LRP11: variants seen among roughly 807,000 people sequenced by gnomAD.
LRP11 encodes LDL receptor related protein 11.
LRP11 carries 25 observed loss-of-function variants against 43.1 expected under a neutral mutation model. The ratio of observed to expected loss-of-function variants is 0.58; its 90% CI spans 0.42 to 0.81. LRP11 has a LOEUF of 0.81. Ranked by LOEUF, LRP11 falls within the 30% of genes least tolerant of loss-of-function variation. LRP11 has a pLI of 0.00. For synonymous variants in LRP11, 316 were observed against 299.4 expected (o/e 1.06, Z -0.57); for missense variants, 623 against 665.1 (o/e 0.94, Z 0.70).
intron 5 of LRP11, among the ~76,000 whole-genome samples, chr6:149,832,423 C>T (rs1001598290): frequency 5.9e-5 from 9 of 151,444 alleles, no homozygotes. Context: ...GAACTGACCT[C>T]GTGATTTGCC....
At chr6:149,841,515 T>A (rs548474388) in intron 3 of LRP11, among the ~76,000 whole-genome samples, 1 of 152,346 alleles carries the variant, frequency 6.6e-6, no homozygotes, top group South Asian at 2.1e-4. Flanking sequence ...GTGAATTGTG[T>A]GTGTGGTGAG....
At chr6:149,825,585 G>A (rs187263193) in intron 6 of LRP11, among the ~76,000 whole-genome samples, 48 of 152,056 alleles carry the variant, frequency 3.2e-4, no homozygotes, top group Non-Finnish European at 4.7e-4. Context: ...CTCATCTTAC[G>A]AATGAGGAAA....
rs752569544 is a variant in LRP11, at chr6:149,827,392, A to G, written c.1253-1033T>C. On this transcript the variant is annotated intron_variant, in intron 5 of 6. Coordinates refer to ENST00000239367, the MANE Select transcript of LRP11 (RefSeq NM_032832.6). The surrounding 1 kb of genome is among the most constrained non-coding windows in gnomAD (Gnocchi z 4.2). ...AATGTTCCTAATTCCTGCAAATGAAATAAGACTATTTAAAGGTAGTATATA... is the reference window on the plus strand; with the variant it reads ...AATGTTCCTAATTCCTGCAAATGAAGTAAGACTATTTAAAGGTAGTATATA... Among the ~76,000 whole-genome samples, 2 of 152,254 alleles carry G rather than the reference A, an allele frequency of 1.3e-5. No individual in the cohort carries two copies. The highest frequency in any genetic ancestry group is 1.3e-4 in the Admixed American group (2 of 15,286).
chr6:149,842,059 A>C (rs891003653), intron 3 of LRP11, among the ~76,000 whole-genome samples: 2 of 152,220 alleles, frequency 1.3e-5, no homozygotes, highest in African/African-American at 2.4e-5. Context: ...ATCTGCGTAA[A>C]GTGTCTATGA....
intron 3 of LRP11, among the ~76,000 whole-genome samples, chr6:149,839,063 T>TTTTTG (rs1776511330): frequency 6.7e-6 from 1 of 148,918 alleles, no homozygotes; most frequent in African/African-American, 2.5e-5. Flanking sequence ...TTTTTTTTGT[T>TTTTTG]TTTTTTTTTT....
chr6:149,839,204 T>C (rs1246719507), intron 3 of LRP11, among the ~76,000 whole-genome samples: 1 of 152,026 alleles, frequency 6.6e-6, no homozygotes, highest in Non-Finnish European at 1.5e-5. Context: ...CTTGGACACA[T>C]CTTTTATTGA....
In LRP11 at chr6:149,837,350, A is replaced by G. The variant is rs375299752; in HGVS notation, c.1027T>C (p.Phe343Leu). Reference sequence around the variant, plus strand: ...ATAGCCAACTCACGATTCTGGCAGAAGTCTTCATCAGACCCATCAGGACAC... The same window carrying G: ...ATAGCCAACTCACGATTCTGGCAGAGGTCTTCATCAGACCCATCAGGACAC... Reference protein sequence around the residue: ...QQCPDGSDEDFCQNLGLDRKM... With the variant: ...QQCPDGSDEDLCQNLGLDRKM... Residue 343 changes from phenylalanine (F) to leucine (L), a missense_variant, in exon 4 of 7, where the codon TTC (phenylalanine) becomes CTC (leucine). By Grantham distance (22) the Phe-to-Leu change is conservative. Transcript: ENST00000239367. The G allele has an allele frequency of 2.4e-5, 39 of 1,613,658 alleles. No individual in the cohort carries two copies. The African/African-American group carries it at 4.3e-4, about 18-fold the overall frequency.
chr6:149,836,295 CCACTGAAGTGTGGAAGAGCTACTGTT>C lies in LRP11; in HGVS notation c.1040-24_1041del, dbSNP rs1776471024. 1 of 1,613,830 alleles carries C rather than the reference CCACTGAAGTGTGGAAGAGCTACTGTT, an allele frequency of 6.2e-7. No individual in the cohort carries two copies. On this transcript the variant is annotated splice_acceptor_variant and splice_polypyrimidine_tract_variant and coding_sequence_variant and intron_variant, in exon 5 of 7. Coordinates refer to ENST00000239367, the MANE Select transcript of LRP11 (RefSeq NM_032832.6). LOFTEE classifies it high-confidence loss of function. ...TGGGTTACCATCTTGCGGTCCAGGC[CCACTGAAGTGTGGAAGAGCTACTGTT>C]AGTTGCTGGATTTCTTTTCTGAGCT...
At position 149,827,514 on chromosome 6, in the gene LRP11, T is replaced by C. The variant is rs1776355173; in HGVS notation, c.1253-1155A>G. On this transcript the variant is annotated intron_variant, in intron 5 of 6. Transcript: ENST00000239367. This position sits in a 1 kb window ranked among gnomAD's most constrained non-coding sequence, Gnocchi z 4.2. ...TATAATCCTGGCACTTTGGGGACAG[T>C]CTACTGTGTCTTGTTACTCTAGAAA... is the stretch of plus-strand genomic sequence containing the variant. Among the ~76,000 whole-genome samples, 1 of 152,198 alleles carries C rather than the reference T, an allele frequency of 6.6e-6. No homozygotes were observed. Among genetic ancestry groups the C allele is most frequent in the Non-Finnish European group, 1.5e-5 (1 of 68,040 alleles).
intron 5 of LRP11, among the ~76,000 whole-genome samples, chr6:149,835,680 G>A (rs1337231923): frequency 1.3e-5 from 2 of 152,124 alleles, no homozygotes; most frequent in African/African-American, 2.4e-5. Flanking sequence ...GAGGCATAAC[G>A]TTGAATTACT....
At chr6:149,854,723 T>C (rs888673545) in intron 1 of LRP11, among the ~76,000 whole-genome samples, 15 of 152,232 alleles carry the variant, frequency 9.9e-5, no homozygotes, top group Non-Finnish European at 2.1e-4. Context: ...TGGCTGGGCT[T>C]GCCCCTCTTT....
intron 6 of LRP11, among the ~76,000 whole-genome samples, chr6:149,825,530 A>G (rs565467787): frequency 3.8e-4 from 58 of 152,250 alleles, no homozygotes; most frequent in African/African-American, 1.4e-3. Flanking sequence ...TAATTATCCC[A>G]TATATTCTTC....
chr6:149,861,741 T>G (rs1380315562), intron 1 of LRP11, among the ~76,000 whole-genome samples: 1 of 152,210 alleles, frequency 6.6e-6, no homozygotes, highest in Non-Finnish European at 1.5e-5. Context: ...GGCTGGTCTC[T>G]AACTCTTGGC....
chr6:149,834,835 A>G (rs1776451754), intron 5 of LRP11, among the ~76,000 whole-genome samples: 1 of 152,254 alleles, frequency 6.6e-6, no homozygotes, highest in Non-Finnish European at 1.5e-5. Context: ...GGAGGCACTT[A>G]AAATCTACAA....
At chr6:149,842,817 AAG>A in intron 3 of LRP11, 164 bp downstream of exon 3, 1 of 1,205,374 alleles carries the variant, frequency 8.3e-7, no homozygotes, top group Non-Finnish European at 1.2e-6. Flanking sequence ...CCCAAAACAG[AAG>A]AGAGCCTGCT....
intron 6 of LRP11, among the ~76,000 whole-genome samples, chr6:149,824,441 A>G (rs1776313394): frequency 6.6e-6 from 1 of 152,238 alleles, no homozygotes; most frequent in Non-Finnish European, 1.5e-5. Context: ...TAGTTGGCTT[A>G]GTTTGGATAA....
chr6:149,863,547 G>A lies in LRP11; in HGVS notation c.474C>T (p.Leu158=). 7.3e-7 allele frequency: 1 copy of A among 1,371,350 alleles called. No individual in the cohort carries two copies. Among genetic ancestry groups the A allele is most frequent in the Non-Finnish European group, 9.3e-7 (1 of 1,070,250 alleles). The allele number at this position is 1,371,350 out of a possible 1,614,324, so 84.9% of individuals were successfully genotyped here. A position where few individuals can be genotyped will look rare whatever the true frequency, so the allele number is the denominator to read the frequency against. ...CCGTGCAGTTGAAGAGGTAGCAGCC[G>A]AGCACGGCTGCCGGGGGCGCGGGGC... ...PRRPAPPAAV[L]GCYLFNCTAR... The change falls in exon 1 of 7, where the codon CTC becomes CTT. Residue 158 remains leucine, a synonymous_variant. Coordinates refer to ENST00000239367, the MANE Select transcript of LRP11 (RefSeq NM_032832.6).
rs766066158 is a variant in LRP11, at chr6:149,863,969, G to A, written c.52C>T (p.Arg18Cys). The change falls in exon 1 of 7, where the codon CGT (arginine) becomes TGT (cysteine). Residue 18 changes from arginine (R) to cysteine (C), a missense_variant. Physicochemically the swap from Arg to Cys is radical, Grantham distance 180. Coordinates refer to ENST00000239367, the MANE Select transcript of LRP11 (RefSeq NM_032832.6). Reference protein sequence around the residue: ...SAGSQRRLPPRHGALRGLLLL... With the variant: ...SAGSQRRLPPCHGALRGLLLL... Reference sequence around the variant, plus strand: ...AGCAGCCCGCGCAGCGCCCCGTGACGCGGCGGTAGCCGGCGCTGCGAGCCC... The same window carrying A: ...AGCAGCCCGCGCAGCGCCCCGTGACACGGCGGTAGCCGGCGCTGCGAGCCC... 4.2e-6 allele frequency: 6 copies of A among 1,421,690 alleles called. No homozygotes were observed. In the Admixed American group the frequency reaches 1.8e-4, roughly 43 times the overall value. 88.1% of individuals were successfully genotyped at this position (1,421,690 alleles called of 1,614,324 possible).
At chr6:149,829,947 A>G (rs564202323) in intron 5 of LRP11, among the ~76,000 whole-genome samples, 1 of 151,780 alleles carries the variant, frequency 6.6e-6, no homozygotes, top group Non-Finnish European at 1.5e-5. Flanking sequence ...GACATCAATT[A>G]TATTTACATA....
Sources: gnomAD v4.1 joint callset for allele counts (sites outside exome capture counted in the v4.1 genomes callset) on GRCh38, gnomAD v4.1.1 for gene constraint, Gnocchi (gnomAD v3.1) non-coding constraint, MANE v1.5 for transcripts, NCBI Gene and HGNC (gene_info 2026-07-23, HGNC 2026-07-21) for gene names.